Variants in SVIL observed in about 807,000 individuals in gnomAD.
SVIL encodes supervillin, also known as archvillin.
SVIL carries 101 observed loss-of-function variants against 240.4 expected under a neutral mutation model. The ratio of observed to expected loss-of-function variants is 0.42; its 90% CI spans 0.36 to 0.50. SVIL has a LOEUF of 0.50. SVIL is among the 20% of genes least tolerant of loss of function. SVIL has a pLI of 0.01. For synonymous variants in SVIL, 999 were observed against 1,100.0 expected (o/e 0.91, Z 1.82); for missense variants, 2,512 against 2,818.7 (o/e 0.89, Z 2.46).
chr10:29,574,418 A>T (rs1464967268), intron 1 of SVIL, among the ~76,000 whole-genome samples: 1 of 152,148 alleles, frequency 6.6e-6, no homozygotes, highest in African/African-American at 2.4e-5. Context: ...GTCATGGTAC[A>T]CGGGCGGTGG....
rs376811613 is a variant in SVIL at position 29,487,294 on chromosome 10, T to G, written c.4354A>C (p.Arg1452=). ...TCCACCAGCCTGGTCTGCACATGTC[T>G]TCTTCCTGAACACGAGGCAGACAGT... The part of the protein sequence containing the change: ...RLMLLQIKGR[R]HVQTRLVEPR... The change falls in exon 24 of 38, where the codon AGA becomes CGA. Residue 1452 remains arginine (R), a synonymous_variant. Coordinates refer to ENST00000355867, the MANE Select transcript of SVIL (RefSeq NM_021738.3). 2 of 1,613,956 alleles carry G rather than the reference T, an allele frequency of 1.2e-6. No individual in the cohort carries two copies. Among genetic ancestry groups the G allele is most frequent in the African/African-American group, 2.7e-5 (2 of 74,912 alleles).
chr10:29,715,760 A>G (rs1435484656), intron 1 of SVIL, among the ~76,000 whole-genome samples: 1 of 152,228 alleles, frequency 6.6e-6, no homozygotes, highest in Admixed American at 6.5e-5. Context: ...CCATGGGACA[A>G]GGCAAGGAAG....
intron 16 of SVIL, among the ~76,000 whole-genome samples, chr10:29,513,136 G>A (rs1361966528): frequency 6.6e-6 from 1 of 152,244 alleles, no homozygotes; most frequent in Non-Finnish European, 1.5e-5. Context: ...AGCCAAGGAT[G>A]TCTGTTCCTT....
chr10:29,553,265 T>C (rs1440130733), intron 5 of SVIL, among the ~76,000 whole-genome samples: 1 of 151,992 alleles, frequency 6.6e-6, no homozygotes, highest in Admixed American at 6.6e-5. Flanking sequence ...AGCTAGAAAC[T>C]AGAAAACACT....
At position 29,458,296 on chromosome 10, in the gene SVIL, A is replaced by T; in HGVS notation, c.6596T>A (p.Leu2199Gln). ...CAGGTTCACCTGCTTCCAGGCGGGC[A>T]GGGCGTTGTATTCATCCCTCGTCAT... ...LDMTRDEYNA[L>Q]PAWKQVNLKK... Residue 2199 changes from leucine to glutamine, a missense_variant, in exon 38 of 38, where the codon CTG becomes CAG. Around this residue, in one of 3 missense-constraint regions of SVIL, gnomAD observed 797 missense variants for 925.3 expected, o/e 0.86. Transcript: ENST00000355867. 6.2e-7 allele frequency: 1 copy of T among 1,614,240 alleles called. No homozygotes were observed. Among genetic ancestry groups the T allele is most frequent in the Non-Finnish European group, 8.5e-7 (1 of 1,180,046 alleles).
At chr10:29,632,840 A>AACAC (rs3030634) in intron 1 of SVIL, among the ~76,000 whole-genome samples, 3 of 150,920 alleles carry the variant, frequency 2.0e-5, no homozygotes, top group East Asian at 2.0e-4. Context: ...AATTATCTTT[A>AACAC]ACACACACAC....
intron 37 of SVIL, 25 bp from the exon 38 acceptor site, chr10:29,458,358 C>T (rs762590177): frequency 2.6e-5 from 42 of 1,613,078 alleles, no homozygotes; most frequent in South Asian, 5.5e-5. Flanking sequence ...AGAAGCGCCC[C>T]GCGGCTCAGT....
chr10:29,735,431 C>T lies in SVIL; in HGVS notation c.-400+320G>A, dbSNP rs573840887. On this transcript the variant is annotated intron_variant, in intron 1 of 35. Transcript: ENST00000375400. This position sits in a 1 kb window ranked among gnomAD's most constrained non-coding sequence, Gnocchi z 4.1. The stretch of plus-strand genomic sequence containing the variant: ...TTCCCGAAACTCCGCGGAGAGAAAC[C>T]CTGCCCCGGCCCGCTCCTCCCCGAG... 6.0e-4 allele frequency among the ~76,000 whole-genome samples: 92 copies of T among 152,088 alleles called. No individual in the cohort carries two copies. The highest frequency in any genetic ancestry group is 2.1e-3 in the African/African-American group (89 of 41,542).
At chr10:29,704,155 G>A (rs551218556) in intron 1 of SVIL, among the ~76,000 whole-genome samples, 14 of 152,086 alleles carry the variant, frequency 9.2e-5, no homozygotes, top group Non-Finnish European at 1.8e-4. Flanking sequence ...GGTACTTCCT[G>A]CTCCAGTGGG....
Position 29,517,632 on chromosome 10 carries a change from C to T in SVIL, c.3390-4771G>A, listed in dbSNP as rs576567398. Among the ~76,000 whole-genome samples, 51 of 152,154 alleles carry T rather than the reference C, an allele frequency of 3.4e-4. 1 individual carries two copies. In the South Asian group the frequency reaches 9.5e-3, roughly 28 times the overall value. On this transcript the variant is annotated intron_variant, in intron 16 of 37. Coordinates refer to ENST00000355867, the MANE Select transcript of SVIL (RefSeq NM_021738.3). Reference sequence around the variant, plus strand: ...AAGGGTGGATGGTTGGGGCGGGGGCCGGCAGGCGGGAAACACAGGAGCCTC... The same window carrying T: ...AAGGGTGGATGGTTGGGGCGGGGGCTGGCAGGCGGGAAACACAGGAGCCTC...
chr10:29,483,238 CGTT>C (rs1406249783), intron 27 of SVIL: 1 of 152,164 alleles, frequency 6.6e-6, no homozygotes, highest in African/African-American at 2.4e-5. Flanking sequence ...TGTTTTGAAG[CGTT>C]GTGAGCAAGC....
intron 2 of SVIL, among the ~76,000 whole-genome samples, chr10:29,663,600 C>T (rs1253095975): frequency 2.0e-5 from 3 of 152,230 alleles, no homozygotes; most frequent in Non-Finnish European, 4.4e-5. Flanking sequence ...AAGTGATCTG[C>T]CCTGCTTGGC....
At position 29,680,898 on chromosome 10, in the gene SVIL, G is replaced by C. The variant is rs138694165; in HGVS notation, c.-301+5655C>G. On this transcript the variant is annotated intron_variant, in intron 2 of 35. Coordinates refer to the SVIL transcript ENST00000375400. Reference sequence around the variant, plus strand: ...CATACCACTGCACTCCAGCCTGGGCGACAGAGTGAGACTCCATCTCAAAAA... The same window carrying C: ...CATACCACTGCACTCCAGCCTGGGCCACAGAGTGAGACTCCATCTCAAAAA... Among the ~76,000 whole-genome samples the C allele has an allele frequency of 4.6e-5, 7 of 150,918 alleles. No individual in the cohort carries two copies. The East Asian group carries it at 1.4e-3, about 30-fold the overall frequency.
intron 10 of SVIL, 83 bp from the exon 11 acceptor site, chr10:29,530,751 G>C: frequency 2.0e-6 from 3 of 1,469,472 alleles, no homozygotes. Flanking sequence ...GGGCTGACCT[G>C]GAAATCTTTG....
intron 30 of SVIL, among the ~76,000 whole-genome samples, chr10:29,472,566 G>T (rs2132316340): frequency 6.6e-6 from 1 of 152,370 alleles, no homozygotes; most frequent in Non-Finnish European, 1.5e-5. Context: ...ACTCTTAATT[G>T]CTGGTACTCT....
rs73596046 is a variant in SVIL, at chr10:29,543,258, G to A, written c.828-7189C>T. On this transcript the variant is annotated intron_variant, in intron 6 of 37. Transcript: ENST00000355867. The stretch of plus-strand genomic sequence containing the variant: ...AAACACAACAAAACAACCTGGAAAG[G>A]TCAAGAAAGCAGGGCAGATGGGAAG... Among the ~76,000 whole-genome samples the A allele has an allele frequency of 8.4e-3, 1,275 of 152,282 alleles. 15 individuals carry two copies. The highest frequency in any genetic ancestry group is 0.029 in the African/African-American group (1,201 of 41,560).
chr10:29,657,808 G>A (rs17779048), intron 3 of SVIL: 24,463 of 152,076 alleles, frequency 0.16, 2,057 homozygotes, highest in Middle Eastern at 0.24. Context: ...GTTCCACACC[G>A]CATCACAGAG....
chr10:29,590,165 CAAAAAAAAAAAAAAAA>C (rs58469441), intron 1 of SVIL, among the ~76,000 whole-genome samples: 6 of 79,668 alleles, frequency 7.5e-5, no homozygotes, highest in East Asian at 7.5e-4. Flanking sequence ...GACTCCGTCT[CAAAAAAAAAAAAAAAA>C]AAAAAAAAAA....
rs73596042 is a variant in SVIL, at chr10:29,538,640, C to G, written c.828-2571G>C. Among the ~76,000 whole-genome samples, 1,101 of 152,344 alleles carry G rather than the reference C, an allele frequency of 7.2e-3. 7 individuals are homozygous for G. The highest frequency in any genetic ancestry group is 0.025 in the African/African-American group (1,028 of 41,568). ...AGCCATACAACCATGAGGGGAACGA[C>G]CCATCTCCATAGTGTGCTGCATGGC... On this transcript the variant is annotated intron_variant, in intron 6 of 37. Coordinates refer to ENST00000355867, the MANE Select transcript of SVIL (RefSeq NM_021738.3).
Sources: gnomAD v4.1 joint callset for allele counts (sites outside exome capture counted in the v4.1 genomes callset) on GRCh38, gnomAD v4.1.1 for gene constraint, gnomAD v4.1.1 regional missense constraint, Gnocchi (gnomAD v3.1) non-coding constraint, MANE v1.5 for transcripts, NCBI Gene and HGNC (gene_info 2026-07-23, HGNC 2026-07-21) for gene names.